Variants in MALRD1 observed in about 807,000 individuals in gnomAD.
MALRD1 encodes the protein MAM and LDL receptor class A domain containing 1, also known as MAM and LDL-receptor class A domain-containing protein 1.
In MALRD1, 247 loss-of-function variants were observed where a neutral mutation model predicts 242.1. The observed-to-expected ratio is 1.02, with a 90% confidence interval of 0.92 to 1.13. The LOEUF is 1.13. MALRD1 is among the 50% of genes most tolerant of loss of function. The pLI, the probability that MALRD1 is intolerant of heterozygous loss-of-function variation, is 0.00. For synonymous variants in MALRD1, 995 were observed against 866.6 expected (o/e 1.15, Z -2.60); for missense variants, 2,989 against 2,533.1 (o/e 1.18, Z -3.86).
At chr10:19,625,675 A>G (rs961900013) in intron 36 of MALRD1, among the ~76,000 whole-genome samples, 1 of 152,212 alleles carries the variant, frequency 6.6e-6, no homozygotes, top group Non-Finnish European at 1.5e-5. Flanking sequence ...CTTCTCTGCC[A>G]TGATGAAGCT....
chr10:19,437,450 C>T (rs994400320), intron 28 of MALRD1, among the ~76,000 whole-genome samples: 1 of 151,938 alleles, frequency 6.6e-6, no homozygotes, highest in East Asian at 1.9e-4. Flanking sequence ...GTCACCAGGA[C>T]GTGTTTCAAT....
At chr10:19,448,069 C>T (rs1835101437) in intron 28 of MALRD1, among the ~76,000 whole-genome samples, 1 of 152,174 alleles carries the variant, frequency 6.6e-6, no homozygotes, top group Non-Finnish European at 1.5e-5. Context: ...CTTGATCAAA[C>T]ATCTTCATCT....
chr10:19,283,300 G>A, intron 21 of MALRD1, 119 bp downstream of exon 21: 2 of 841,142 alleles, frequency 2.4e-6, no homozygotes, highest in Non-Finnish European at 3.2e-6. Flanking sequence ...ATGTTAAGTT[G>A]AAAAGGAGGC....
chr10:19,270,336 T>TCACA lies in MALRD1; in HGVS notation c.3080-9673_3080-9670dup, dbSNP rs200537040. Among the ~76,000 whole-genome samples, 974 of 130,948 alleles carry TCACA rather than the reference T, an allele frequency of 7.4e-3. 7 individuals are homozygous for TCACA. Among genetic ancestry groups the TCACA allele is most frequent in the East Asian group, 0.025 (114 of 4,554 alleles). 85.9% of individuals were successfully genotyped at this position (130,948 alleles called of 152,430 possible). On this transcript the variant is annotated intron_variant, in intron 19 of 39. Coordinates refer to ENST00000454679, the MANE Select transcript of MALRD1 (RefSeq NM_001142308.3). ...TCTCTCTTCTCTCTCTCTCTCTCTC[T>TCACA]CACACACACACACACACACACACAC...
intron 38 of MALRD1, among the ~76,000 whole-genome samples, chr10:19,710,106 C>T (rs1373129052): frequency 6.6e-6 from 1 of 152,058 alleles, no homozygotes; most frequent in Non-Finnish European, 1.5e-5. Flanking sequence ...ATCTGAATAA[C>T]CAAACCAAAC....
intron 29 of MALRD1, among the ~76,000 whole-genome samples, chr10:19,462,894 A>G (rs1479720756): frequency 6.6e-6 from 1 of 152,164 alleles, no homozygotes; most frequent in Non-Finnish European, 1.5e-5. Context: ...GGCTGGCAAG[A>G]AAAAATAAGG....
At chr10:19,529,229 A>G (rs1834230912) in intron 31 of MALRD1, among the ~76,000 whole-genome samples, 1 of 152,146 alleles carries the variant, frequency 6.6e-6, no homozygotes, top group Non-Finnish European at 1.5e-5. Flanking sequence ...CCAGAACCTA[A>G]CCAACCTAGG....
intron 28 of MALRD1, among the ~76,000 whole-genome samples, chr10:19,407,162 T>C (rs1007602507): frequency 3.9e-5 from 6 of 152,126 alleles, no homozygotes; most frequent in Admixed American, 1.3e-4. Context: ...AACCACCATA[T>C]ACTACTGCCT....
intron 28 of MALRD1, among the ~76,000 whole-genome samples, chr10:19,431,798 C>T (rs1473645466): frequency 6.6e-6 from 1 of 152,148 alleles, no homozygotes. Flanking sequence ...CCATAAAGTA[C>T]TGTTCTTCTG....
At chr10:19,461,499 TCA>T (rs1835940181) in intron 29 of MALRD1, among the ~76,000 whole-genome samples, 2 of 152,260 alleles carry the variant, frequency 1.3e-5, no homozygotes, top group Admixed American at 6.5e-5. Context: ...GTACAAGGAA[TCA>T]CATCAATCAA....
intron 8 of MALRD1, among the ~76,000 whole-genome samples, chr10:19,131,452 A>G (rs759333855): frequency 1.2e-4 from 19 of 152,182 alleles, no homozygotes; most frequent in Non-Finnish European, 2.2e-4. Context: ...CCATCTAACC[A>G]TTATTGGGTT....
chr10:19,394,187 T>C (rs1474108548), intron 28 of MALRD1, among the ~76,000 whole-genome samples: 1 of 152,170 alleles, frequency 6.6e-6, no homozygotes, highest in Non-Finnish European at 1.5e-5. Flanking sequence ...AGACCACAAT[T>C]AAATTAGTTC....
At chr10:19,719,213 C>CATATATATATATAT (rs1351273405) in intron 38 of MALRD1, among the ~76,000 whole-genome samples, 20 of 85,428 alleles carry the variant, frequency 2.3e-4, no homozygotes, top group African/African-American at 9.3e-4. Flanking sequence ...TATATATATA[C>CATATATATATATAT]ACATACATAC....
chr10:19,063,450 A>G (rs1428926415), intron 1 of MALRD1, among the ~76,000 whole-genome samples: 1 of 152,042 alleles, frequency 6.6e-6, no homozygotes, highest in African/African-American at 2.4e-5. Flanking sequence ...GAGTTTCTTC[A>G]CCATTACTAC....
chr10:19,694,337 G>A (rs1445217055), intron 38 of MALRD1, among the ~76,000 whole-genome samples: 1 of 151,962 alleles, frequency 6.6e-6, no homozygotes, highest in Non-Finnish European at 1.5e-5. Flanking sequence ...TCTGACAAAG[G>A]GCTAATATCC....
chr10:19,153,806 C>T (rs979740841), intron 11 of MALRD1, among the ~76,000 whole-genome samples: 3 of 152,002 alleles, frequency 2.0e-5, no homozygotes, highest in African/African-American at 4.8e-5. Context: ...ACGATTTATT[C>T]AGGCCTTTTG....
intron 16 of MALRD1, 45 bp from the exon 17 acceptor site, chr10:19,204,853 C>T: frequency 6.7e-7 from 1 of 1,481,776 alleles, no homozygotes; most frequent in Non-Finnish European, 9.0e-7. Context: ...AATATGTAGT[C>T]TATTCTATAA....
chr10:19,083,864 A>G (rs1469690717), intron 2 of MALRD1, among the ~76,000 whole-genome samples: 1 of 151,956 alleles, frequency 6.6e-6, no homozygotes, highest in Non-Finnish European at 1.5e-5. Context: ...CAAATTACCA[A>G]AAAGCTTTGG....
chr10:19,243,063 C>CTTT (rs369350269), intron 18 of MALRD1, among the ~76,000 whole-genome samples: 12,229 of 135,748 alleles, frequency 0.09, 591 homozygotes, highest in Middle Eastern at 0.12. Flanking sequence ...TTTCTTTTCC[C>CTTT]TTTTTTTTTT....
Sources: gnomAD v4.1 joint callset for allele counts (sites outside exome capture counted in the v4.1 genomes callset) on GRCh38, gnomAD v4.1.1 for gene constraint, MANE v1.5 for transcripts, NCBI Gene and HGNC (gene_info 2026-07-23, HGNC 2026-07-21) for gene names.